Variants in SPRED3 observed in about 807,000 individuals in gnomAD.
SPRED3 encodes the protein sprouty-related, EVH1 domain-containing protein 3.
Under a neutral mutation model 37.6 loss-of-function variants are expected in SPRED3, and 23 were observed. The ratio of observed to expected loss-of-function variants is 0.61; its 90% CI spans 0.44 to 0.87. SPRED3 has a LOEUF of 0.87. SPRED3 is among the 40% of genes least tolerant of loss of function. The pLI is 0.00. For missense variants in SPRED3, 584 were observed against 618.6 expected, an observed-to-expected ratio of 0.94 and a Z score of 0.59; for synonymous variants, 302 against 279.6, an observed-to-expected ratio of 1.08 and a Z score of -0.80.
chr19:38,395,975 G>A lies in SPRED3; in HGVS notation c.1063G>A (p.Ala355Thr). Reference protein sequence around the residue: ...DAEGDFSDPCACEPGHPRPAA... With the variant: ...DAEGDFSDPCTCEPGHPRPAA... ...CGAGGGCGACTTCTCGGACCCGTGCGCCTGCGAGCCGGGCCACCCGCGCCC... is the reference window on the plus strand; with the variant it reads ...CGAGGGCGACTTCTCGGACCCGTGCACCTGCGAGCCGGGCCACCCGCGCCC... The change falls in exon 6 of 6, where the codon GCC (alanine) becomes ACC (threonine). Residue 355 changes from alanine to threonine, a missense_variant. This residue lies in a region of SPRED3 where 85 missense variants were observed against 117.8 expected (regional missense o/e 0.72). Coordinates refer to ENST00000691638, the MANE Select transcript of SPRED3 (RefSeq NM_001394336.1). This position sits in a 1 kb window ranked among gnomAD's most constrained non-coding sequence, Gnocchi z 5.2. The A allele has an allele frequency of 6.9e-7, 1 of 1,453,690 alleles. No individual in the cohort carries two copies. The highest frequency in any genetic ancestry group is 9.0e-7 in the Non-Finnish European group (1 of 1,107,228). The allele number at this position is 1,453,690 out of a possible 1,614,324, so 90.0% of individuals were successfully genotyped here.
rs952999012 is a variant in SPRED3, at chr19:38,395,185, G to A, written c.568-295G>A. Among the ~76,000 whole-genome samples, 8 of 152,148 alleles carry A rather than the reference G, an allele frequency of 5.3e-5. No homozygotes were observed. The highest frequency in any genetic ancestry group is 1.4e-4 in the African/African-American group (6 of 41,430). ...ACTCCTGCGCCTTTAAGGAGGAGGT[G>A]GCTGGGTCCAGAACCCCTGGATCTC... On this transcript the variant is annotated intron_variant, in intron 5 of 5. Coordinates refer to ENST00000691638, the MANE Select transcript of SPRED3 (RefSeq NM_001394336.1). The surrounding 1 kb of genome is among the most constrained non-coding windows in gnomAD (Gnocchi z 5.2).
Position 38,392,070 on chromosome 19 carries a change from A to G in SPRED3, c.302A>G (p.Glu101Gly), listed in dbSNP as rs780704664. The change falls in exon 3 of 6, where the codon GAG becomes GGG. Residue 101 changes from glutamate (E) to glycine (G), a missense_variant. Coordinates refer to ENST00000691638, the MANE Select transcript of SPRED3 (RefSeq NM_001394336.1). ...LTFQSPAEAD[E>G]FQKSLLAALA... is the part of the protein sequence containing the mutation. ...TTTCAGAGCCCTGCAGAGGCTGATG[A>G]GTTCCAGAAGAGCCTGCTGGCTGCG... 2.5e-6 allele frequency: 4 copies of G among 1,614,082 alleles called. No homozygotes were observed. Among genetic ancestry groups the G allele is most frequent in the Non-Finnish European group, 3.4e-6 (4 of 1,180,046 alleles).
Position 38,390,397 on chromosome 19 carries a change from G to T in SPRED3, c.95G>T (p.Cys32Phe). 7.2e-7 allele frequency: 1 copy of T among 1,394,864 alleles called. No homozygotes were observed. 86.4% of individuals were successfully genotyped at this position (1,394,864 alleles called of 1,614,324 possible). Reference protein sequence around the residue: ...GGGGLSQVSVCRVRGARPEGG... With the variant: ...GGGGLSQVSVFRVRGARPEGG... ...GGGGGCCTCAGCCAGGTGAGCGTGT[G>T]TCGGGTCCGAGGGGCCAGGCCCGAG... is the stretch of plus-strand genomic sequence containing the variant. The change falls in exon 2 of 6, where the codon TGT becomes TTT. Residue 32 changes from cysteine (C) to phenylalanine (F), a missense_variant. Physicochemically the swap from Cys to Phe is radical, Grantham distance 205. This residue lies in a region of SPRED3 where 88 missense variants were observed against 77.0 expected (regional missense o/e 1.14). Coordinates refer to ENST00000691638, the MANE Select transcript of SPRED3 (RefSeq NM_001394336.1).
intron 4 of SPRED3, among the ~76,000 whole-genome samples, chr19:38,393,558 A>C (rs1970858574): frequency 6.6e-6 from 1 of 151,964 alleles, no homozygotes; most frequent in African/African-American, 2.4e-5. Context: ...GGCTGATCTC[A>C]AACTCCTGAC....
At position 38,395,600 on chromosome 19, in the gene SPRED3, G is replaced by A. The variant is rs757505963; in HGVS notation, c.688G>A (p.Ala230Thr). 1.3e-6 allele frequency: 2 copies of A among 1,550,188 alleles called. No individual in the cohort carries two copies. Among genetic ancestry groups the A allele is most frequent in the South Asian group, 2.4e-5 (2 of 83,946 alleles). ...YEDYRRSGPP[A>T]PLALSTCVVR... ...GGATTACCGGCGCTCCGGGCCACCCGCGCCCCTCGCCCTGTCCACCTGCGT... is the reference window on the plus strand; with the variant it reads ...GGATTACCGGCGCTCCGGGCCACCCACGCCCCTCGCCCTGTCCACCTGCGT... Residue 230 changes from alanine (A) to threonine (T), a missense_variant, in exon 6 of 6, where the codon GCG becomes ACG. This residue lies in a region of SPRED3 where 310 missense variants were observed against 281.1 expected (regional missense o/e 1.10). Coordinates refer to ENST00000691638, the MANE Select transcript of SPRED3 (RefSeq NM_001394336.1). This position sits in a 1 kb window ranked among gnomAD's most constrained non-coding sequence, Gnocchi z 5.2.
chr19:38,392,391 A>T (rs1223140450), intron 4 of SPRED3, 103 bp downstream of exon 4: 4 of 1,292,024 alleles, frequency 3.1e-6, no homozygotes, highest in Non-Finnish European at 4.1e-6. Flanking sequence ...CATGCCACAC[A>T]CCGGGTACAC....
At position 38,392,029 on chromosome 19, in the gene SPRED3, C is replaced by A. The variant is rs571155663; in HGVS notation, c.261C>A (p.Cys87Ter). ...PIFHHWSLGD[C>*]KFGLTFQSPA... ...TTCACCACTGGAGCCTGGGTGACTGCAAGTTTGGACTGACGTTTCAGAGCC... is the reference window on the plus strand; with the variant it reads ...TTCACCACTGGAGCCTGGGTGACTGAAAGTTTGGACTGACGTTTCAGAGCC... The change falls in exon 3 of 6, where the codon TGC (cysteine) becomes TGA (stop). Residue 87 changes from cysteine to a stop codon, truncating the protein, a stop_gained. Transcript: ENST00000691638. LOFTEE classifies it high-confidence loss of function. The A allele has an allele frequency of 5.6e-6, 9 of 1,614,180 alleles. No individual in the cohort carries two copies. In the Admixed American group the frequency reaches 1.3e-4, roughly 24 times the overall value.
At position 38,396,335 on chromosome 19, in the gene SPRED3, A is replaced by T; in HGVS notation, c.*190A>T. The T allele has an allele frequency of 2.6e-6, 1 of 382,786 alleles. No individual in the cohort carries two copies. The highest frequency in any genetic ancestry group is 4.2e-5 in the East Asian group (1 of 23,852). The allele number at this position is 382,786 out of a possible 1,614,324, so 23.7% of individuals were successfully genotyped here. A position where few individuals can be genotyped will look rare whatever the true frequency, so the allele number is the denominator to read the frequency against. ...ACTGAGAGACCCCAGCCCCAGCTTC[A>T]TTGGGGTGTCTGTCTAAGAAGTCCC... On this transcript the variant is annotated 3_prime_UTR_variant, in exon 6 of 6. Transcript: ENST00000691638.
rs1970900936 is a variant in SPRED3 at position 38,396,600 on chromosome 19, G to T, written c.*455G>T. ...CTGCCTTTATTCAACTCCCAGATCA[G>T]ATCTTGAGACCATAGGACCTGGAGT... On this transcript the variant is annotated 3_prime_UTR_variant, in exon 6 of 6. Coordinates refer to ENST00000691638, the MANE Select transcript of SPRED3 (RefSeq NM_001394336.1). The T allele has an allele frequency of 6.5e-6, 1 of 153,114 alleles. No homozygotes were observed. Among genetic ancestry groups the T allele is most frequent in the African/African-American group, 2.4e-5 (1 of 41,478 alleles). The allele number at this position is 153,114 out of a possible 1,614,324, so 9.5% of individuals were successfully genotyped here.
At position 38,395,742 on chromosome 19, in the gene SPRED3, G is replaced by C. The variant is rs989249967; in HGVS notation, c.830G>C (p.Gly277Ala). ...GCGCCCCCCGCTCGCCCACCCCCCGGCCCGGGCCCATCCTCTGCGCCTGCC... is the reference window on the plus strand; with the variant it reads ...GCGCCCCCCGCTCGCCCACCCCCCGCCCCGGGCCCATCCTCTGCGCCTGCC... ...PPAPPARPPP[G>A]PGPSSAPAKA... The change falls in exon 6 of 6, where the codon GGC becomes GCC. Residue 277 changes from glycine to alanine, a missense_variant. Transcript: ENST00000691638. This position sits in a 1 kb window ranked among gnomAD's most constrained non-coding sequence, Gnocchi z 5.2. 11 of 1,461,522 alleles carry C rather than the reference G, an allele frequency of 7.5e-6. No homozygotes were observed. The highest frequency in any genetic ancestry group is 3.0e-5 in the African/African-American group (2 of 67,506). The allele number at this position is 1,461,522 out of a possible 1,614,324, so 90.5% of individuals were successfully genotyped here. A position where few individuals can be genotyped will look rare whatever the true frequency, so the allele number is the denominator to read the frequency against.
Position 38,392,203 on chromosome 19 carries a change from C to G in SPRED3, c.347-9C>G, listed in dbSNP as rs1384386719. On this transcript the variant is annotated splice_polypyrimidine_tract_variant and intron_variant, in intron 3 of 5. Coordinates refer to ENST00000691638, the MANE Select transcript of SPRED3 (RefSeq NM_001394336.1). ...AGGAACTCACTCTCTGCCTCTCTCC[C>G]TGCCCCAGGCTCACTCACCCCCTCC... 1 of 1,599,894 alleles carries G rather than the reference C, an allele frequency of 6.3e-7. No homozygotes were observed. Among genetic ancestry groups the G allele is most frequent in the East Asian group, 2.2e-5 (1 of 44,742 alleles).
intron 4 of SPRED3, 61 bp from the exon 5 acceptor site, chr19:38,394,582 A>T (rs1970870016): frequency 5.1e-6 from 8 of 1,553,826 alleles, no homozygotes; most frequent in Non-Finnish European, 6.9e-6. Flanking sequence ...GAGGGGGTCT[A>T]TGTGAGGGCA....
At chr19:38,390,698 C>T (rs948673719) in intron 2 of SPRED3, among the ~76,000 whole-genome samples, 1 of 151,832 alleles carries the variant, frequency 6.6e-6, no homozygotes, top group African/African-American at 2.4e-5. Flanking sequence ...GCCAGACTAT[C>T]CTCGCTGTCT....
At chr19:38,391,730 TC>T (rs1404091085) in intron 2 of SPRED3, among the ~76,000 whole-genome samples, 2 of 152,078 alleles carry the variant, frequency 1.3e-5, no homozygotes, top group African/African-American at 4.8e-5. Context: ...ACCACTGCAC[TC>T]CAGCCTGGGT....
At chr19:38,391,710 C>T (rs1055888413) in intron 2 of SPRED3, among the ~76,000 whole-genome samples, 3 of 152,198 alleles carry the variant, frequency 2.0e-5, no homozygotes, top group African/African-American at 7.2e-5. Flanking sequence ...CCGTAGTGAG[C>T]CCTGATCACA....
chr19:38,389,986 G>A (rs764204972), intron 1 of SPRED3: 21 of 263,704 alleles, frequency 8.0e-5, no homozygotes, highest in South Asian at 1.8e-4. Flanking sequence ...TAAGCAGGAG[G>A]GGGAGGGAAG....
At position 38,393,501 on chromosome 19, in the gene SPRED3, A is replaced by AT. The variant is rs577184434; in HGVS notation, c.424-1134dup. 2.1e-4 allele frequency among the ~76,000 whole-genome samples: 32 copies of AT among 151,382 alleles called. No homozygotes were observed. The South Asian group carries it at 3.5e-3, about 17-fold the overall frequency. On this transcript the variant is annotated intron_variant, in intron 4 of 5. Transcript: ENST00000691638. ...CAGCTGGGATTACAGGCACCCAGCTATTTTTTTTGTATTTTTAGTAGAGAC... is the reference window on the plus strand; with the variant it reads ...CAGCTGGGATTACAGGCACCCAGCTATTTTTTTTTGTATTTTTAGTAGAGAC...
In SPRED3 at chr19:38,396,855, A is replaced by G. The variant is rs1397761589; in HGVS notation, c.*710A>G. On this transcript the variant is annotated 3_prime_UTR_variant, in exon 6 of 6. Coordinates refer to ENST00000691638, the MANE Select transcript of SPRED3 (RefSeq NM_001394336.1). Reference sequence around the variant, plus strand: ...GGGAACACTGAAGTCTAAGATGTCCAGGGAACTCCCAGACACCCTGGGACC... The same window carrying G: ...GGGAACACTGAAGTCTAAGATGTCCGGGGAACTCCCAGACACCCTGGGACC... 6.6e-6 allele frequency: 1 copy of G among 152,182 alleles called. No individual in the cohort carries two copies. Among genetic ancestry groups the G allele is most frequent in the Non-Finnish European group, 1.5e-5 (1 of 68,036 alleles). The allele number at this position is 152,182 out of a possible 1,614,324, so 9.4% of individuals were successfully genotyped here. A position where few individuals can be genotyped will look rare whatever the true frequency, so the allele number is the denominator to read the frequency against.
intron 4 of SPRED3, chr19:38,394,391 C>CCT: frequency 6.3e-7 from 1 of 1,581,278 alleles, no homozygotes; most frequent in Non-Finnish European, 8.7e-7. Context: ...TATGCTGTGC[C>CCT]CTTGACAGTG....
Sources: allele counts gnomAD v4.1 joint callset (sites outside exome capture counted in the v4.1 genomes callset), GRCh38; gene constraint gnomAD v4.1.1; regional missense constraint gnomAD v4.1.1; non-coding constraint Gnocchi (gnomAD v3.1); transcripts MANE v1.5; gene names NCBI Gene and HGNC (gene_info 2026-07-23, HGNC 2026-07-21).